Variants in HS3ST2 observed in about 807,000 individuals in gnomAD.
HS3ST2 encodes the protein heparan sulfate glucosamine 3-O-sulfotransferase 2.
Under a neutral mutation model 26.3 loss-of-function variants are expected in HS3ST2, and 17 were observed. That is an observed-to-expected ratio of 0.65 (90% CI 0.44 to 0.97). The LOEUF (loss-of-function observed/expected upper bound fraction) is 0.97, where lower values mean the gene tolerates loss of function less well. Ranked by LOEUF, HS3ST2 falls within the 50% of genes least tolerant of loss-of-function variation. The pLI is 0.00. For missense variants in HS3ST2, 402 were observed against 501.2 expected, an observed-to-expected ratio of 0.80 and a Z score of 1.89; for synonymous variants, 237 against 219.2, an observed-to-expected ratio of 1.08 and a Z score of -0.72.
At chr16:22,815,875 C>A (rs1336652024) in intron 1 of HS3ST2, among the ~76,000 whole-genome samples, 2 of 152,220 alleles carry the variant, frequency 1.3e-5, no homozygotes, top group African/African-American at 4.8e-5. Flanking sequence ...AAAAAAGGCA[C>A]TTCACTTTAA....
intron 1 of HS3ST2, among the ~76,000 whole-genome samples, chr16:22,844,981 A>G (rs572426006): frequency 1.3e-5 from 2 of 151,632 alleles, no homozygotes; most frequent in African/African-American, 2.4e-5. Context: ...CAGCCTCCCA[A>G]GTAGCTGGGA....
intron 1 of HS3ST2, among the ~76,000 whole-genome samples, chr16:22,828,774 A>G (rs928550605): frequency 6.6e-6 from 1 of 152,204 alleles, no homozygotes; most frequent in Non-Finnish European, 1.5e-5. Context: ...AAATGAGTTA[A>G]GTCATTGCAA....
intron 1 of HS3ST2, among the ~76,000 whole-genome samples, chr16:22,856,714 T>C (rs208569): frequency 0.072 from 11,019 of 152,200 alleles, 589 homozygotes; most frequent in Admixed American, 0.15. Context: ...CAGTAGCTGA[T>C]GTGTCCATTT....
At chr16:22,825,886 G>A (rs1046261525) in intron 1 of HS3ST2, among the ~76,000 whole-genome samples, 6 of 152,176 alleles carry the variant, frequency 3.9e-5, no homozygotes, top group African/African-American at 1.4e-4. Flanking sequence ...AGCTGGGCGT[G>A]GTGGCGTGCG....
At chr16:22,855,712 C>G (rs1901584721) in intron 1 of HS3ST2, among the ~76,000 whole-genome samples, 1 of 151,926 alleles carries the variant, frequency 6.6e-6, no homozygotes, top group South Asian at 2.1e-4. Flanking sequence ...CTCTCTCTCT[C>G]TCTCTCTCTC....
At chr16:22,890,870 A>G (rs1013638014) in intron 1 of HS3ST2, among the ~76,000 whole-genome samples, 1 of 152,222 alleles carries the variant, frequency 6.6e-6, no homozygotes, top group Non-Finnish European at 1.5e-5. Context: ...TGGATTAAGT[A>G]AAAGTTAGCC....
At chr16:22,819,733 A>G (rs1358883194) in intron 1 of HS3ST2, among the ~76,000 whole-genome samples, 1 of 152,242 alleles carries the variant, frequency 6.6e-6, no homozygotes. Context: ...GGGATGGTGC[A>G]AAGCAAAGAA....
chr16:22,899,665 A>C (rs963869699), intron 1 of HS3ST2, among the ~76,000 whole-genome samples: 5 of 152,232 alleles, frequency 3.3e-5, no homozygotes, highest in Admixed American at 2.6e-4. Context: ...GTGGCTGAGG[A>C]GGCCTCAGAA....
intron 1 of HS3ST2, among the ~76,000 whole-genome samples, chr16:22,861,190 T>C (rs1030113017): frequency 2.0e-5 from 3 of 152,124 alleles, no homozygotes; most frequent in Non-Finnish European, 4.4e-5. Flanking sequence ...AAATATATTT[T>C]ATATATCATA....
intron 1 of HS3ST2, among the ~76,000 whole-genome samples, chr16:22,837,636 C>G (rs1332471563): frequency 6.7e-6 from 1 of 149,580 alleles, no homozygotes; most frequent in Non-Finnish European, 1.5e-5. Flanking sequence ...CACAAACACA[C>G]ACACATATAT....
Position 22,915,482 on chromosome 16 carries a change from A to G in HS3ST2, c.1024A>G (p.Ile342Val). ...TCATGTACAGATTGATCCTGAAGTGATAGACCAGCTCCGAGAATTTTATAG... is the reference window on the plus strand; with the variant it reads ...TCATGTACAGATTGATCCTGAAGTGGTAGACCAGCTCCGAGAATTTTATAG... ...RTHVQIDPEV[I>V]DQLREFYRPY... is the part of the protein sequence containing the mutation. Residue 342 changes from isoleucine (I) to valine (V), a missense_variant, in exon 2 of 2, where the codon ATA becomes GTA. Ile to Val is a conservative substitution (Grantham distance 29). Around this residue, in one of 2 missense-constraint regions of HS3ST2, gnomAD observed 237 missense variants for 346.6 expected, o/e 0.68. Coordinates refer to ENST00000261374, the MANE Select transcript of HS3ST2 (RefSeq NM_006043.2). The G allele has an allele frequency of 6.2e-7, 1 of 1,614,088 alleles. No individual in the cohort carries two copies. The highest frequency in any genetic ancestry group is 8.5e-7 in the Non-Finnish European group (1 of 1,180,004).
chr16:22,885,131 G>A (rs371914684), intron 1 of HS3ST2, among the ~76,000 whole-genome samples: 9 of 151,836 alleles, frequency 5.9e-5, no homozygotes, highest in African/African-American at 1.9e-4. Context: ...ATAAGCCATC[G>A]CTCCCAGCCA....
intron 1 of HS3ST2, among the ~76,000 whole-genome samples, chr16:22,855,358 C>T (rs575476717): frequency 2.0e-5 from 3 of 152,260 alleles, no homozygotes; most frequent in East Asian, 3.9e-4. Flanking sequence ...GGTGAGGCCA[C>T]AGATAATCCC....
At chr16:22,837,545 G>T (rs1338266544) in intron 1 of HS3ST2, among the ~76,000 whole-genome samples, 1 of 135,760 alleles carries the variant, frequency 7.4e-6, no homozygotes, top group Non-Finnish European at 1.5e-5. Context: ...ACAGATATAT[G>T]TATATATATG....
intron 1 of HS3ST2, among the ~76,000 whole-genome samples, chr16:22,858,554 T>TG (rs1901632949): frequency 2.2e-5 from 3 of 139,232 alleles, no homozygotes; most frequent in South Asian, 2.3e-4. Context: ...TGGAATCCTT[T>TG]TTTTGTTTGT....
intron 1 of HS3ST2, among the ~76,000 whole-genome samples, chr16:22,904,776 T>A (rs1316122995): frequency 6.6e-6 from 1 of 152,156 alleles, no homozygotes; most frequent in Non-Finnish European, 1.5e-5. Context: ...AAAGACTCTA[T>A]CTTGTGAGCA....
intron 1 of HS3ST2, among the ~76,000 whole-genome samples, chr16:22,899,011 C>T (rs1458346713): frequency 1.3e-5 from 2 of 152,228 alleles, no homozygotes; most frequent in Non-Finnish European, 2.9e-5. Context: ...CTAGGGGGCG[C>T]TGCTATGCTG....
At chr16:22,851,491 T>C (rs561332396) in intron 1 of HS3ST2, among the ~76,000 whole-genome samples, 6 of 152,302 alleles carry the variant, frequency 3.9e-5, no homozygotes, top group Non-Finnish European at 7.4e-5. Context: ...CTATTTTTTT[T>C]CTCCATTGCA....
At chr16:22,845,867 A>T (rs1169520062) in intron 1 of HS3ST2, among the ~76,000 whole-genome samples, 1 of 152,210 alleles carries the variant, frequency 6.6e-6, no homozygotes, top group East Asian at 1.9e-4. Context: ...TTTTCTTCTC[A>T]TGACAAAAGG....
Sources: gnomAD v4.1 joint callset for allele counts (sites outside exome capture counted in the v4.1 genomes callset) on GRCh38, gnomAD v4.1.1 for gene constraint, gnomAD v4.1.1 regional missense constraint, MANE v1.5 for transcripts, NCBI Gene and HGNC (gene_info 2026-07-23, HGNC 2026-07-21) for gene names.